The following NFRKB variants were observed in gnomAD, a reference collection of about 807,000 sequenced individuals.
The protein encoded by NFRKB is nuclear factor related to kappa-B-binding protein.
NFRKB carries 62 observed loss-of-function variants against 135.7 expected under a neutral mutation model. The observed-to-expected ratio is 0.46, with a 90% CI of 0.37 to 0.56. The LOEUF is 0.56. NFRKB is among the 20% of genes least tolerant of loss of function. The pLI is 0.00. For synonymous variants in NFRKB, 678 were observed against 635.6 expected (o/e 1.07, Z -1.00); for missense variants, 1,545 against 1,662.0 (o/e 0.93, Z 1.22).
At chr11:129,885,686 A>G in intron 5 of NFRKB, 77 bp from the exon 6 acceptor site, 5 of 1,396,650 alleles carry the variant, frequency 3.6e-6, no homozygotes, top group Non-Finnish European at 3.8e-6. Flanking sequence ...ACAAGTCTAC[A>G]TTTTCTTCTC....
At chr11:129,893,139 T>C (rs1949631968) in intron 2 of NFRKB, 7 of 1,212,246 alleles carry the variant, frequency 5.8e-6, no homozygotes, top group Non-Finnish European at 7.5e-6. Flanking sequence ...ATTTTACAGA[T>C]GAGTAAAATG....
Position 129,886,649 on chromosome 11 carries a change from T to C in NFRKB, c.338-205A>G, listed in dbSNP as rs79690922. Among the ~76,000 whole-genome samples the C allele has an allele frequency of 5.6e-3, 853 of 152,312 alleles. 10 individuals are homozygous for C. Among genetic ancestry groups the C allele is most frequent in the African/African-American group, 0.02 (821 of 41,572 alleles). ...ACAGCTCATTTAAGGCTGATGATCA[T>C]CACAGCCACAGTAATGCAACTGTCT... On this transcript the variant is annotated intron_variant, in intron 4 of 26. Coordinates refer to ENST00000682444, the MANE Select transcript of NFRKB (RefSeq NM_001143835.2).
chr11:129,876,256 A>G (rs550808284), intron 17 of NFRKB, among the ~76,000 whole-genome samples: 5 of 152,352 alleles, frequency 3.3e-5, no homozygotes, highest in East Asian at 3.9e-4. Context: ...GTAACAACAC[A>G]TATTTCTGCA....
intron 13 of NFRKB, 57 bp from the exon 14 acceptor site, chr11:129,878,600 C>T: frequency 7.2e-7 from 1 of 1,390,584 alleles, no homozygotes. Flanking sequence ...TATTGAGAAT[C>T]CTGCTTTCTC....
chr11:129,889,728 G>A (rs1401075934), intron 3 of NFRKB, among the ~76,000 whole-genome samples: 1 of 147,418 alleles, frequency 6.8e-6, no homozygotes, highest in Non-Finnish European at 1.5e-5. Flanking sequence ...GGTTAAGACA[G>A]GAGAGGGATG....
In NFRKB at chr11:129,869,949, C is replaced by A. The variant is rs1308428654; in HGVS notation, c.3076G>T (p.Ala1026Ser). 1.2e-6 allele frequency: 2 copies of A among 1,614,248 alleles called. No homozygotes were observed. The highest frequency in any genetic ancestry group is 2.2e-5 in the South Asian group (2 of 91,088). The change falls in exon 24 of 27, where the codon GCC (alanine) becomes TCC (serine). Residue 1026 changes from alanine (A) to serine (S), a missense_variant. By Grantham distance (99) the Ala-to-Ser change is moderately conservative. Around this residue, in one of 3 missense-constraint regions of NFRKB, gnomAD observed 753 missense variants for 804.3 expected, o/e 0.94. Transcript: ENST00000682444. ...GATGAAGGGGCACTGGCTGAACTGG[C>A]CTTGGCAGGGCTATCAGCTGCATGT... Reference protein sequence around the residue: ...PVHAADSPAKASSASAPSSTP... With the variant: ...PVHAADSPAKSSSASAPSSTP...
chr11:129,877,225 G>A lies in NFRKB; in HGVS notation c.1572+100C>T, dbSNP rs146084908. On this transcript the variant is annotated intron_variant, in intron 16 of 26. Transcript: ENST00000682444. ...ACAGAAGGTCTAAGGGGAAAGGTAT[G>A]AGTTTCTTGCAAGAAGGTAGATGCA... is the stretch of plus-strand genomic sequence containing the variant. 17 of 1,197,584 alleles carry A rather than the reference G, an allele frequency of 1.4e-5. No homozygotes were observed. The African/African-American group carries it at 1.6e-4, about 12-fold the overall frequency. 74.2% of individuals were successfully genotyped at this position (1,197,584 alleles called of 1,614,324 possible).
At chr11:129,890,334 T>A (rs1014427604) in intron 3 of NFRKB, among the ~76,000 whole-genome samples, 1 of 152,166 alleles carries the variant, frequency 6.6e-6, no homozygotes, top group Non-Finnish European at 1.5e-5. Flanking sequence ...TCTAACTCAG[T>A]GTCTGGCATA....
rs1949111767 is a variant in NFRKB, at chr11:129,883,164, T to C, written c.859A>G (p.Ile287Val). Reference sequence around the variant, plus strand: ...CTGCCAGCATTTACTCGAGTCATGATGTCATTGAGAGTCAGGTCCCCTGTC... The same window carrying C: ...CTGCCAGCATTTACTCGAGTCATGACGTCATTGAGAGTCAGGTCCCCTGTC... Reference protein sequence around the residue: ...LLTGDLTLNDIMTRVNAGRKG... With the variant: ...LLTGDLTLNDVMTRVNAGRKG... The change falls in exon 9 of 27, where the codon ATC becomes GTC. Residue 287 changes from isoleucine to valine, a missense_variant. Ile to Val is a conservative substitution (Grantham distance 29, BLOSUM62 3). Coordinates refer to ENST00000682444, the MANE Select transcript of NFRKB (RefSeq NM_001143835.2). The C allele has an allele frequency of 3.1e-6, 5 of 1,614,132 alleles. No individual in the cohort carries two copies. In the African/African-American group the frequency reaches 4.0e-5, roughly 13 times the overall value.
intron 3 of NFRKB, among the ~76,000 whole-genome samples, chr11:129,891,173 C>T (rs1194616733): frequency 6.6e-6 from 1 of 152,128 alleles, no homozygotes; most frequent in Non-Finnish European, 1.5e-5. Flanking sequence ...GCAAAAGCAA[C>T]AGCTAGGAGA....
intron 23 of NFRKB, among the ~76,000 whole-genome samples, chr11:129,871,095 C>T (rs1948478103): frequency 6.6e-6 from 1 of 152,234 alleles, no homozygotes; most frequent in African/African-American, 2.4e-5. Context: ...AATGCACTAT[C>T]TCCATAAAAG....
chr11:129,877,172 T>C lies in NFRKB; in HGVS notation c.1572+153A>G, dbSNP rs142785715. On this transcript the variant is annotated intron_variant, in intron 16 of 26. Transcript: ENST00000682444. ...TTCTTACTCCCCTTCCCCACACCGTTTCCACCCCCAACAAGTAATCCCAGC... is the reference window on the plus strand; with the variant it reads ...TTCTTACTCCCCTTCCCCACACCGTCTCCACCCCCAACAAGTAATCCCAGC... Among the ~76,000 whole-genome samples the C allele has an allele frequency of 3.7e-4, 57 of 152,242 alleles. No individual in the cohort carries two copies. The East Asian group carries it at 5.4e-3, about 14-fold the overall frequency.
intron 3 of NFRKB, among the ~76,000 whole-genome samples, chr11:129,891,497 T>C (rs1337227678): frequency 1.3e-5 from 2 of 152,154 alleles, no homozygotes; most frequent in Admixed American, 6.6e-5. Context: ...GGGGAAGCCA[T>C]GGGGCAATCT....
At position 129,874,534 on chromosome 11, in the gene NFRKB, A is replaced by G. The variant is rs757658669; in HGVS notation, c.2025T>C (p.Ala675=). 6.2e-7 allele frequency: 1 copy of G among 1,614,062 alleles called. No homozygotes were observed. The highest frequency in any genetic ancestry group is 8.5e-7 in the Non-Finnish European group (1 of 1,180,016). ...ATGGGGGCTTGGGTTTTTGCTGAAG[A>G]GCTTTTCTGGCTTTAGCTGCAGCTG... is the stretch of plus-strand genomic sequence containing the variant. ...AQAAAAKARK[A]LQQKPKPPSK... Residue 675 remains alanine (A), a synonymous_variant, in exon 20 of 27, where the codon GCT becomes GCC. Coordinates refer to ENST00000682444, the MANE Select transcript of NFRKB (RefSeq NM_001143835.2). This position sits in a 1 kb window ranked among gnomAD's most constrained non-coding sequence, Gnocchi z 4.5.
intron 4 of NFRKB, 67 bp from the exon 5 acceptor site, chr11:129,886,511 AT>A: frequency 7.1e-7 from 1 of 1,407,174 alleles, no homozygotes; most frequent in Non-Finnish European, 1.0e-6. Context: ...CAACAAATAT[AT>A]TGAATGAGTG....
Position 129,873,975 on chromosome 11 carries a change from T to A in NFRKB, c.2320A>T (p.Thr774Ser). ...VSSPTMPHLGTMLSPASSQTA... is the reference protein window; with the variant it reads ...VSSPTMPHLGSMLSPASSQTA... Reference sequence around the variant, plus strand: ...TGGCTGGAAGCTGGGGAAAGCATTGTTCCCAGATGTGGCATTGTTGGTGAA... The same window carrying A: ...TGGCTGGAAGCTGGGGAAAGCATTGATCCCAGATGTGGCATTGTTGGTGAA... The change falls in exon 22 of 27, where the codon ACA becomes TCA. Residue 774 changes from threonine (T) to serine (S), a missense_variant. Transcript: ENST00000682444. 6.2e-7 allele frequency: 1 copy of A among 1,612,898 alleles called. No homozygotes were observed. The highest frequency in any genetic ancestry group is 1.1e-5 in the South Asian group (1 of 91,080).
Position 129,864,611 on chromosome 11 carries a change from C to G in NFRKB, c.*114G>C, listed in dbSNP as rs1948101541. The G allele has an allele frequency of 6.8e-7, 1 of 1,477,878 alleles. No individual in the cohort carries two copies. Among genetic ancestry groups the G allele is most frequent in the Non-Finnish European group, 9.2e-7 (1 of 1,086,214 alleles). The allele number at this position is 1,477,878 out of a possible 1,614,324, so 91.5% of individuals were successfully genotyped here. On this transcript the variant is annotated 3_prime_UTR_variant, in exon 27 of 27. Transcript: ENST00000682444. ...ATCCAGGCCACCGTTGCCATCACCCCTCGCCTGGCTGCCTTGAACAGGCAA... is the reference window on the plus strand; with the variant it reads ...ATCCAGGCCACCGTTGCCATCACCCGTCGCCTGGCTGCCTTGAACAGGCAA...
At chr11:129,885,942 C>A (rs575123622) in intron 5 of NFRKB, among the ~76,000 whole-genome samples, 1 of 152,302 alleles carries the variant, frequency 6.6e-6, no homozygotes, top group Non-Finnish European at 1.5e-5. Flanking sequence ...GACCCAGGGG[C>A]TATTGGGCCT....
In NFRKB at chr11:129,876,889, A is replaced by T. The variant is rs759346942; in HGVS notation, c.1579T>A (p.Tyr527Asn). 1.9e-6 allele frequency: 3 copies of T among 1,613,546 alleles called. No individual in the cohort carries two copies. The highest frequency in any genetic ancestry group is 8.5e-7 in the Non-Finnish European group (1 of 1,179,804). Residue 527 changes from tyrosine (Y) to asparagine (N), a missense_variant, in exon 17 of 27, where the codon TAC becomes AAC. By Grantham distance (143) the Tyr-to-Asn change is moderately radical. Around this residue, in one of 3 missense-constraint regions of NFRKB, gnomAD observed 114 missense variants for 211.0 expected, o/e 0.54. Transcript: ENST00000682444. The part of the protein sequence containing the change: ...EKRVFQEQER[Y>N]RYSQPHKAFT... ...GCCTTATGGGGTTGGCTATACCTGTAACGCTCCTACCAAGAGACAAGGGAC... is the reference window on the plus strand; with the variant it reads ...GCCTTATGGGGTTGGCTATACCTGTTACGCTCCTACCAAGAGACAAGGGAC...
Sources: gnomAD v4.1 joint callset for allele counts (sites outside exome capture counted in the v4.1 genomes callset) on GRCh38, gnomAD v4.1.1 for gene constraint, gnomAD v4.1.1 regional missense constraint, Gnocchi (gnomAD v3.1) non-coding constraint, MANE v1.5 for transcripts, NCBI Gene and HGNC (gene_info 2026-07-23, HGNC 2026-07-21) for gene names.